BCAS3: variants seen among roughly 807,000 people sequenced by gnomAD.
The protein encoded by BCAS3 is BCAS4/BCAS3 fusion.
Under a neutral mutation model 116.1 loss-of-function variants are expected in BCAS3, and 53 were observed. The observed-to-expected ratio is 0.46, with a 90% confidence interval of 0.37 to 0.57. The LOEUF is 0.57. Among genes scored for constraint, BCAS3 ranks in the 20% least tolerant of loss-of-function variants. BCAS3 has a pLI of 0.00. For missense variants in BCAS3, 917 were observed against 1,165.4 expected (o/e 0.79, Z 3.10); for synonymous variants, 391 against 408.2 (o/e 0.96, Z 0.51).
intron 7 of BCAS3, among the ~76,000 whole-genome samples, chr17:60,829,356 T>C (rs1471788266): frequency 6.6e-6 from 1 of 151,984 alleles, no homozygotes; most frequent in African/African-American, 2.4e-5. Flanking sequence ...TAGCTGGGCA[T>C]GGTGGTTTGC....
At chr17:60,917,766 T>C (rs541088005) in intron 12 of BCAS3, among the ~76,000 whole-genome samples, 2 of 152,234 alleles carry the variant, frequency 1.3e-5, no homozygotes, top group Non-Finnish European at 1.5e-5. Context: ...CTAATTCTTG[T>C]ATTTTTTGTA....
At chr17:60,894,606 G>A (rs986607376) in intron 10 of BCAS3, among the ~76,000 whole-genome samples, 4 of 152,056 alleles carry the variant, frequency 2.6e-5, no homozygotes, top group South Asian at 2.1e-4. Context: ...GTACTGTGTC[G>A]AATACGAGTG....
At chr17:61,045,879 A>C (rs1335633088) in intron 19 of BCAS3, among the ~76,000 whole-genome samples, 2 of 46,142 alleles carry the variant, frequency 4.3e-5, no homozygotes, top group African/African-American at 2.5e-4. Flanking sequence ...ATATATAAAT[A>C]TATATTATAT....
At chr17:61,210,134 C>G (rs982681893) in intron 22 of BCAS3, among the ~76,000 whole-genome samples, 1 of 152,176 alleles carries the variant, frequency 6.6e-6, no homozygotes, top group Non-Finnish European at 1.5e-5. Context: ...TGTAGAGGGA[C>G]TGTGTCAGAT....
At chr17:60,868,526 GTCTT>G (rs1170655568) in intron 7 of BCAS3, 46 bp from the exon 8 acceptor site, 2 of 1,116,894 alleles carry the variant, frequency 1.8e-6, no homozygotes, top group East Asian at 2.8e-5. Flanking sequence ...GAGATTATTG[GTCTT>G]TCTTTTTTAA....
Position 61,136,074 on chromosome 17 carries a change from T to C in BCAS3, c.2425+51510T>C. 1 of 154,828 alleles carries C rather than the reference T, an allele frequency of 6.5e-6. No homozygotes were observed. The highest frequency in any genetic ancestry group is 1.4e-5 in the Non-Finnish European group (1 of 69,032). The allele number at this position is 154,828 out of a possible 1,614,324, so 9.6% of individuals were successfully genotyped here. A position where few individuals can be genotyped will look rare whatever the true frequency, so the allele number is the denominator to read the frequency against. On this transcript the variant is annotated intron_variant, in intron 22 of 23. Coordinates refer to ENST00000407086, the MANE Select transcript of BCAS3 (RefSeq NM_017679.5). This position sits in a 1 kb window ranked among gnomAD's most constrained non-coding sequence, Gnocchi z 4.4. The stretch of plus-strand genomic sequence containing the variant: ...TTCCCTGCACCCCTTCGCGCCTGCC[T>C]TCCCCGCGACCGGCAGCCTGAGCTC...
chr17:61,012,598 A>G lies in BCAS3; in HGVS notation c.1487-3153A>G, dbSNP rs2065183433. ...CCATATCCATTAATATGTAAGACAG[A>G]CACCACCCCTACGAACATAAACATG... On this transcript the variant is annotated intron_variant, in intron 15 of 23. Coordinates refer to ENST00000407086, the MANE Select transcript of BCAS3 (RefSeq NM_017679.5). The surrounding 1 kb of genome is among the most constrained non-coding windows in gnomAD (Gnocchi z 4.5). 6.6e-6 allele frequency among the ~76,000 whole-genome samples: 1 copy of G among 152,066 alleles called. No homozygotes were observed. The highest frequency in any genetic ancestry group is 6.6e-5 in the Admixed American group (1 of 15,246).
At chr17:60,971,515 G>A (rs1405894067) in intron 14 of BCAS3, among the ~76,000 whole-genome samples, 1 of 152,050 alleles carries the variant, frequency 6.6e-6, no homozygotes, top group East Asian at 1.9e-4. Flanking sequence ...TATCATGCTG[G>A]TTGCTCCTTA....
At chr17:61,174,602 G>C (rs1306248226) in intron 22 of BCAS3, among the ~76,000 whole-genome samples, 2 of 152,162 alleles carry the variant, frequency 1.3e-5, no homozygotes, top group African/African-American at 2.4e-5. Context: ...GCTGTGACTA[G>C]TTCTGTAATG....
In BCAS3 at chr17:61,141,783, C is replaced by A. The variant is rs1319138294; in HGVS notation, c.2425+57219C>A. On this transcript the variant is annotated intron_variant, in intron 22 of 23. Coordinates refer to ENST00000407086, the MANE Select transcript of BCAS3 (RefSeq NM_017679.5). The surrounding 1 kb of genome is among the most constrained non-coding windows in gnomAD (Gnocchi z 4.3). The stretch of plus-strand genomic sequence containing the variant: ...GGGCGTGGTGGCGCACGCCTGTAGT[C>A]CCAACTACTCAGGAGGCTGAGGCAG... Among the ~76,000 whole-genome samples the A allele has an allele frequency of 6.6e-6, 1 of 151,842 alleles. No homozygotes were observed. The highest frequency in any genetic ancestry group is 2.4e-5 in the African/African-American group (1 of 41,314).
intron 22 of BCAS3, among the ~76,000 whole-genome samples, chr17:61,293,543 A>G (rs576411873): frequency 6.6e-6 from 1 of 152,336 alleles, no homozygotes; most frequent in African/African-American, 2.4e-5. Context: ...CGTAGAGGAT[A>G]GCAGAACAAG....
Position 61,128,316 on chromosome 17 carries a change from A to G in BCAS3, c.2425+43752A>G, listed in dbSNP as rs2076152193. 1.0e-6 allele frequency: 1 copy of G among 985,430 alleles called. No homozygotes were observed. Among genetic ancestry groups the G allele is most frequent in the Non-Finnish European group, 1.2e-6 (1 of 829,920 alleles). The allele number at this position is 985,430 out of a possible 1,614,324, so 61.0% of individuals were successfully genotyped here. On this transcript the variant is annotated intron_variant, in intron 22 of 23. Transcript: ENST00000407086. This position sits in a 1 kb window ranked among gnomAD's most constrained non-coding sequence, Gnocchi z 4.1. Reference sequence around the variant, plus strand: ...CGGCTGAGATGCAGAGGAGAGACTTAGTGAAATATGCAGAGCTCCATTCCA... The same window carrying G: ...CGGCTGAGATGCAGAGGAGAGACTTGGTGAAATATGCAGAGCTCCATTCCA...
In BCAS3 at chr17:61,126,738, G is replaced by GT. The variant is rs1204791706; in HGVS notation, c.2425+42179dup. On this transcript the variant is annotated intron_variant, in intron 22 of 23. Coordinates refer to ENST00000407086, the MANE Select transcript of BCAS3 (RefSeq NM_017679.5). This position sits in a 1 kb window ranked among gnomAD's most constrained non-coding sequence, Gnocchi z 4.6. ...GCATCCGGAAAAATGTTTATGTAGTGTTTTTCAAATGACTGATTATTCTTG... is the reference window on the plus strand; with the variant it reads ...GCATCCGGAAAAATGTTTATGTAGTGTTTTTTCAAATGACTGATTATTCTTG... Among the ~76,000 whole-genome samples the GT allele has an allele frequency of 6.6e-6, 1 of 152,092 alleles. No individual in the cohort carries two copies. The highest frequency in any genetic ancestry group is 2.4e-5 in the African/African-American group (1 of 41,412).
chr17:60,694,641 G>A (rs898464730), intron 4 of BCAS3, among the ~76,000 whole-genome samples: 3 of 150,056 alleles, frequency 2.0e-5, no homozygotes, highest in Non-Finnish European at 2.9e-5. Flanking sequence ...ACCATGCATG[G>A]TCTTAATTTT....
At chr17:60,893,492 G>A (rs1412322832) in intron 10 of BCAS3, among the ~76,000 whole-genome samples, 1 of 151,828 alleles carries the variant, frequency 6.6e-6, no homozygotes, top group Admixed American at 6.6e-5. Context: ...ATTGAATAGG[G>A]TGTCCCTTCT....
In BCAS3 at chr17:60,910,722, C is replaced by T. The variant is rs776499166; in HGVS notation, c.993+20C>T. On this transcript the variant is annotated intron_variant, in intron 12 of 23. Transcript: ENST00000407086. ...GGCCAGGTAAGAAGAACTTTTGGTG[C>T]GTACCATGTGTGTTACTTGCAAAGA... The T allele has an allele frequency of 8.2e-6, 13 of 1,588,204 alleles. No individual in the cohort carries two copies. The highest frequency in any genetic ancestry group is 4.6e-5 in the East Asian group (2 of 43,148).
chr17:61,116,103 AG>A (rs1343392876), intron 22 of BCAS3, among the ~76,000 whole-genome samples: 2 of 84,252 alleles, frequency 2.4e-5, no homozygotes, highest in Non-Finnish European at 4.6e-5. Flanking sequence ...GGGTAGGGGG[AG>A]GGGGGAGGGA....
chr17:60,810,203 A>G (rs565930207), intron 7 of BCAS3: 52 of 428,260 alleles, frequency 1.2e-4, no homozygotes, highest in African/African-American at 9.3e-4. Flanking sequence ...CCACCAAACT[A>G]CCAGTCTCTG....
Position 61,034,769 on chromosome 17 carries a change from G to T in BCAS3, c.1741G>T (p.Ala581Ser), listed in dbSNP as rs866906428. ...ATCCAGGTCATGGTTTGCAAATAAT[G>T]CAGGTCTGAAAAGAGAAAAAGGTAT... is the stretch of plus-strand genomic sequence containing the variant. ...GTSRSWFANN[A>S]GLKREKDQSK... is the part of the protein sequence containing the mutation. The change falls in exon 17 of 24, where the codon GCA becomes TCA. Residue 581 changes from alanine to serine, a missense_variant. By Grantham distance (99) the Ala-to-Ser change is moderately conservative (BLOSUM62 1). This residue lies in a region of BCAS3 where 807 missense variants were observed against 1,026.0 expected (regional missense o/e 0.79). Transcript: ENST00000407086. The surrounding 1 kb of genome is among the most constrained non-coding windows in gnomAD (Gnocchi z 5.0). 1 of 1,611,586 alleles carries T rather than the reference G, an allele frequency of 6.2e-7. No homozygotes were observed. Among genetic ancestry groups the T allele is most frequent in the African/African-American group, 1.3e-5 (1 of 74,874 alleles).
Sources: gnomAD v4.1 joint callset for allele counts (sites outside exome capture counted in the v4.1 genomes callset) on GRCh38, gnomAD v4.1.1 for gene constraint, gnomAD v4.1.1 regional missense constraint, Gnocchi (gnomAD v3.1) non-coding constraint, MANE v1.5 for transcripts, NCBI Gene and HGNC (gene_info 2026-07-23, HGNC 2026-07-21) for gene names.